The following MAGI2 variants were observed in gnomAD, a reference collection of about 807,000 sequenced individuals.
The protein encoded by MAGI2 is membrane associated guanylate kinase, WW and PDZ domain containing 2, also known as membrane-associated guanylate kinase, WW and PDZ domain-containing protein 2.
MAGI2 carries 35 observed loss-of-function variants against 133.3 expected under a neutral mutation model. The ratio of observed to expected loss-of-function variants is 0.26; its 90% CI spans 0.20 to 0.35. The LOEUF (loss-of-function observed/expected upper bound fraction) is 0.35. Ranked by LOEUF, MAGI2 falls within the 10% of genes least tolerant of loss-of-function variation. The pLI is 1.00. For synonymous variants in MAGI2, 729 were observed against 710.6 expected, an observed-to-expected ratio of 1.03 and a Z score of -0.41; for missense variants, 1,636 against 1,863.4, an observed-to-expected ratio of 0.88 and a Z score of 2.25.
intron 10 of MAGI2, among the ~76,000 whole-genome samples, chr7:78,220,070 C>T (rs1354581448): frequency 1.3e-5 from 2 of 152,126 alleles, no homozygotes; most frequent in African/African-American, 4.8e-5. Flanking sequence ...TGACCTGGCC[C>T]TGCCTGCAGC....
chr7:79,093,723 T>TC (rs1817284932), intron 1 of MAGI2, among the ~76,000 whole-genome samples: 1 of 149,792 alleles, frequency 6.7e-6, no homozygotes, highest in Admixed American at 6.6e-5. Context: ...TCTTTTTTTT[T>TC]TTTTTTTTTA....
At chr7:78,955,813 TCTTCCTTC>T (rs1168509080) in intron 2 of MAGI2, among the ~76,000 whole-genome samples, 1 of 151,324 alleles carries the variant, frequency 6.6e-6, no homozygotes, top group Non-Finnish European at 1.5e-5. Context: ...ATTCTTTCTT[TCTTCCTTC>T]CTCAGTAATA....
intron 1 of MAGI2, among the ~76,000 whole-genome samples, chr7:79,158,187 A>G (rs1824003735): frequency 6.6e-6 from 1 of 152,024 alleles, no homozygotes; most frequent in Admixed American, 6.6e-5. Flanking sequence ...GGTTATTAAG[A>G]ATTTAGAAGT....
chr7:78,562,997 G>GT (rs397758695), intron 3 of MAGI2, among the ~76,000 whole-genome samples: 31,328 of 137,976 alleles, frequency 0.23, 3,284 homozygotes, highest in Middle Eastern at 0.26. Context: ...CTTTTTTGTT[G>GT]TTTTTTTTTT....
intron 2 of MAGI2, among the ~76,000 whole-genome samples, chr7:78,946,509 A>G (rs1222185121): frequency 6.6e-6 from 1 of 152,226 alleles, no homozygotes; most frequent in African/African-American, 2.4e-5. Flanking sequence ...GGTACCTTAT[A>G]TAGAAAGCCT....
At chr7:78,796,893 T>A (rs757029157) in intron 2 of MAGI2, among the ~76,000 whole-genome samples, 23 of 152,092 alleles carry the variant, frequency 1.5e-4, no homozygotes, top group Admixed American at 3.9e-4. Flanking sequence ...AGACAAATAT[T>A]GCATGTTCTC....
At chr7:79,018,321 A>T (rs1016738008) in intron 1 of MAGI2, among the ~76,000 whole-genome samples, 3 of 152,182 alleles carry the variant, frequency 2.0e-5, no homozygotes, top group Admixed American at 6.5e-5. Flanking sequence ...AAGGAGAAAT[A>T]AAATCCTTTT....
At chr7:78,545,046 G>A (rs547011917) in intron 3 of MAGI2, among the ~76,000 whole-genome samples, 5 of 150,824 alleles carry the variant, frequency 3.3e-5, no homozygotes, top group East Asian at 1.9e-4. Context: ...TCATTGTCTC[G>A]GCATCCCTAT....
intron 2 of MAGI2, among the ~76,000 whole-genome samples, chr7:78,860,226 C>A (rs191308771): frequency 2.1e-3 from 319 of 152,316 alleles, no homozygotes; most frequent in Middle Eastern, 6.8e-3. Context: ...TACCGATCAT[C>A]TGAAGCCTTC....
chr7:78,147,356 T>A (rs1185731244), intron 16 of MAGI2, among the ~76,000 whole-genome samples: 5 of 152,198 alleles, frequency 3.3e-5, no homozygotes, highest in Non-Finnish European at 7.4e-5. Context: ...CTCTTTCTTA[T>A]CCTTATCTTT....
chr7:78,567,784 C>T (rs1002474904), intron 3 of MAGI2, among the ~76,000 whole-genome samples: 1 of 152,132 alleles, frequency 6.6e-6, no homozygotes, highest in African/African-American at 2.4e-5. Context: ...CCTATTTTCA[C>T]CCCCCATCTC....
At position 78,293,991 on chromosome 7, in the gene MAGI2, T is replaced by C. The variant is rs948313706; in HGVS notation, c.1409-37410A>G. Among the ~76,000 whole-genome samples, 4 of 152,206 alleles carry C rather than the reference T, an allele frequency of 2.6e-5. No homozygotes were observed. In the East Asian group the frequency reaches 5.8e-4, roughly 22 times the overall value. ...ACACTTAATGTAAATGACGAGTTAA[T>C]AGGTCCAGCACACCAACATGGCACA... is the stretch of plus-strand genomic sequence containing the variant. On this transcript the variant is annotated intron_variant, in intron 9 of 21. Transcript: ENST00000354212.
chr7:78,812,537 G>A (rs189295140), intron 2 of MAGI2, among the ~76,000 whole-genome samples: 4 of 151,856 alleles, frequency 2.6e-5, no homozygotes, highest in East Asian at 1.9e-4. Flanking sequence ...AGATCCATGC[G>A]GTGTGCTGGG....
At chr7:78,960,029 A>T (rs1802712725) in intron 2 of MAGI2, among the ~76,000 whole-genome samples, 2 of 152,184 alleles carry the variant, frequency 1.3e-5, no homozygotes, top group Non-Finnish European at 2.9e-5. Flanking sequence ...TAAATACAGG[A>T]AAATACCTAG....
At chr7:78,499,601 A>G (rs1326695046) in intron 5 of MAGI2, among the ~76,000 whole-genome samples, 1 of 152,222 alleles carries the variant, frequency 6.6e-6, no homozygotes, top group East Asian at 1.9e-4. Context: ...TCACAACCTC[A>G]AAACCTGATG....
At chr7:79,426,674 A>G (rs1411785650) in intron 1 of MAGI2, among the ~76,000 whole-genome samples, 1 of 152,164 alleles carries the variant, frequency 6.6e-6, no homozygotes, top group Non-Finnish European at 1.5e-5. Context: ...TTAATCAGGG[A>G]TGCACAATGT....
intron 2 of MAGI2, chr7:79,000,382 C>T (rs1806739224): frequency 6.6e-6 from 1 of 152,156 alleles, no homozygotes; most frequent in Non-Finnish European, 1.5e-5. Flanking sequence ...CACAAAAACA[C>T]ATTGCCTTGT....
intron 2 of MAGI2, among the ~76,000 whole-genome samples, chr7:78,912,509 AAT>A (rs1299956725): frequency 1.3e-5 from 2 of 151,976 alleles, no homozygotes; most frequent in African/African-American, 4.8e-5. Context: ...GCTGCCAGTA[AAT>A]ATAAGCAGGC....
chr7:79,294,177 CAAAAAAA>C (rs61385536), intron 1 of MAGI2, among the ~76,000 whole-genome samples: 1 of 65,398 alleles, frequency 1.5e-5, no homozygotes, highest in African/African-American at 5.3e-5. Flanking sequence ...GACTCCGTCT[CAAAAAAA>C]AAAAAAAAAA....
Sources: gnomAD v4.1 joint callset for allele counts (sites outside exome capture counted in the v4.1 genomes callset) on GRCh38, gnomAD v4.1.1 for gene constraint, MANE v1.5 for transcripts, NCBI Gene and HGNC (gene_info 2026-07-23, HGNC 2026-07-21) for gene names.